The following DENND4A variants were observed in gnomAD, a reference collection of about 807,000 sequenced individuals.
DENND4A encodes the protein C-myc promoter-binding protein.
A neutral mutation model predicts 199.3 loss-of-function variants in DENND4A; 70 were observed. That is an observed-to-expected ratio of 0.35 (90% CI 0.29 to 0.43). DENND4A has a LOEUF of 0.43. Among genes scored for constraint, DENND4A ranks in the 20% least tolerant of loss-of-function variants. The pLI, the probability that DENND4A is intolerant of heterozygous loss-of-function variation, is 1.00. For missense variants in DENND4A, 1,723 were observed against 2,255.8 expected, an observed-to-expected ratio of 0.76 and a Z score of 4.78; for synonymous variants, 686 against 766.9, an observed-to-expected ratio of 0.89 and a Z score of 1.74.
intron 22 of DENND4A, among the ~76,000 whole-genome samples, chr15:65,694,469 G>A (rs1479481703): frequency 3.3e-5 from 5 of 150,736 alleles, no homozygotes; most frequent in South Asian, 2.1e-4. Flanking sequence ...AAAAATTCAA[G>A]ATAGGGTGAT....
chr15:65,750,771 A>G (rs1371046054), intron 4 of DENND4A, among the ~76,000 whole-genome samples: 1 of 152,050 alleles, frequency 6.6e-6, no homozygotes, highest in Non-Finnish European at 1.5e-5. Context: ...GAACAAAGAC[A>G]AGACAGTTAA....
In DENND4A at chr15:65,661,289, G is replaced by A. The variant is rs947437147; in HGVS notation, c.*562C>T. ...GATATACACAGAGAGATCTGCAGCT[G>A]TACTAATTACTTCAAATAGCAGCAG... On this transcript the variant is annotated 3_prime_UTR_variant, in exon 33 of 33. Coordinates refer to ENST00000443035, the MANE Select transcript of DENND4A (RefSeq NM_001320835.1). The A allele has an allele frequency of 4.6e-5, 7 of 152,098 alleles. No homozygotes were observed. The highest frequency in any genetic ancestry group is 1.7e-4 in the African/African-American group (7 of 41,376). The allele number at this position is 152,098 out of a possible 1,614,324, so 9.4% of individuals were successfully genotyped here. A position where few individuals can be genotyped will look rare whatever the true frequency, so the allele number is the denominator to read the frequency against.
intron 10 of DENND4A, 128 bp from the exon 11 acceptor site, chr15:65,729,375 A>G: frequency 7.3e-7 from 1 of 1,370,662 alleles, no homozygotes; most frequent in Non-Finnish European, 1.0e-6. Flanking sequence ...TGAAATAATT[A>G]TAACTAGAGT....
At chr15:65,693,627 T>C (rs916018406) in intron 22 of DENND4A, among the ~76,000 whole-genome samples, 5 of 151,636 alleles carry the variant, frequency 3.3e-5, no homozygotes, top group Admixed American at 2.6e-4. Context: ...TCCTCCTTTC[T>C]GACTCCTACC....
intron 14 of DENND4A, among the ~76,000 whole-genome samples, chr15:65,711,314 C>T (rs2075241832): frequency 6.6e-6 from 1 of 152,030 alleles, no homozygotes; most frequent in South Asian, 2.1e-4. Flanking sequence ...CCAACCTGGG[C>T]AACACAAGGA....
intron 1 of DENND4A, among the ~76,000 whole-genome samples, chr15:65,778,480 A>G (rs1030358501): frequency 3.3e-5 from 5 of 150,234 alleles, no homozygotes; most frequent in Non-Finnish European, 5.9e-5. Flanking sequence ...AGCGTTCCCC[A>G]GTACCACAGT....
chr15:65,667,119 C>A (rs1566982467), intron 29 of DENND4A, among the ~76,000 whole-genome samples: 1 of 152,126 alleles, frequency 6.6e-6, no homozygotes, highest in Admixed American at 6.5e-5. Flanking sequence ...ATCATAAGGT[C>A]AAGAAATCAA....
At chr15:65,763,132 T>A (rs2076895150) in intron 1 of DENND4A, among the ~76,000 whole-genome samples, 1 of 151,978 alleles carries the variant, frequency 6.6e-6, no homozygotes, top group South Asian at 2.1e-4. Context: ...GCACTATAGG[T>A]TAGCTTTAAC....
Position 65,747,657 on chromosome 15 carries a change from A to G in DENND4A, c.561+4722T>C, listed in dbSNP as rs7180236. Reference sequence around the variant, plus strand: ...CAAAATTTGTACTGTATCCAGCCACATATCAATACACCCCAGTTTTTCGTC... The same window carrying G: ...CAAAATTTGTACTGTATCCAGCCACGTATCAATACACCCCAGTTTTTCGTC... On this transcript the variant is annotated intron_variant, in intron 4 of 32. Coordinates refer to ENST00000443035, the MANE Select transcript of DENND4A (RefSeq NM_001320835.1). Among the ~76,000 whole-genome samples, 1,453 of 152,308 alleles carry G rather than the reference A, an allele frequency of 9.5e-3. 22 individuals are homozygous for G. The highest frequency in any genetic ancestry group is 0.034 in the African/African-American group (1,402 of 41,582).
At chr15:65,666,778 C>CAAAAAAA (rs36113125) in intron 29 of DENND4A, among the ~76,000 whole-genome samples, 1 of 91,724 alleles carries the variant, frequency 1.1e-5, no homozygotes, top group Admixed American at 1.2e-4. Context: ...GACCTTGTGT[C>CAAAAAAA]AAAAAAAAAA....
chr15:65,788,128 G>A (rs1041158718), intron 1 of DENND4A, among the ~76,000 whole-genome samples: 2 of 151,658 alleles, frequency 1.3e-5, no homozygotes, highest in African/African-American at 4.8e-5. Context: ...CCAGGCTGGG[G>A]TGCAGTGGCG....
chr15:65,788,219 G>A (rs1226687840), intron 1 of DENND4A, among the ~76,000 whole-genome samples: 1 of 152,054 alleles, frequency 6.6e-6, no homozygotes, highest in African/African-American at 2.4e-5. Flanking sequence ...TGGGACTACA[G>A]GCGCCTGCCA....
Position 65,756,429 on chromosome 15 carries a change from G to A in DENND4A, c.22C>T (p.Arg8Cys), listed in dbSNP as rs773874586. ...GCTACAACAAAGTAGTCAGCAACAC[G>A]AGGCCCCTTGTCTTCAATCATCTTC... MIEDKGP[R>C]VADYFVVAGL... The change falls in exon 3 of 33, where the codon CGT (arginine) becomes TGT (cysteine). Residue 8 changes from arginine to cysteine, a missense_variant. Coordinates refer to ENST00000443035, the MANE Select transcript of DENND4A (RefSeq NM_001320835.1). 28 of 1,609,482 alleles carry A rather than the reference G, an allele frequency of 1.7e-5. 1 individual carries two copies. In the South Asian group the frequency reaches 1.9e-4, roughly 11 times the overall value.
intron 24 of DENND4A, among the ~76,000 whole-genome samples, chr15:65,673,176 T>C (rs1253081177): frequency 6.7e-6 from 1 of 150,358 alleles, no homozygotes; most frequent in East Asian, 2.0e-4. Flanking sequence ...CTGGTATTTT[T>C]ATAAAGATAA....
At chr15:65,770,985 A>G (rs1016599156) in intron 1 of DENND4A, among the ~76,000 whole-genome samples, 1 of 152,232 alleles carries the variant, frequency 6.6e-6, no homozygotes, top group African/African-American at 2.4e-5. Flanking sequence ...TAACTAAAAT[A>G]TTCCATTTTA....
At chr15:65,666,732 C>T (rs909832975) in intron 29 of DENND4A, among the ~76,000 whole-genome samples, 1 of 148,990 alleles carries the variant, frequency 6.7e-6, no homozygotes, top group Non-Finnish European at 1.5e-5. Flanking sequence ...TGAGCCATGA[C>T]CACACCACTG....
chr15:65,663,099 G>A (rs2075906824), intron 32 of DENND4A, among the ~76,000 whole-genome samples: 1 of 151,000 alleles, frequency 6.6e-6, no homozygotes, highest in Admixed American at 6.6e-5. Flanking sequence ...TTCTCAAGTG[G>A]CTAGAATGAC....
chr15:65,772,106 G>A (rs755948527), intron 1 of DENND4A: 16 of 912,670 alleles, frequency 1.8e-5, no homozygotes, highest in Non-Finnish European at 2.9e-5. Context: ...GGACGATGTC[G>A]ACACATTTCT....
At chr15:65,770,000 T>C (rs1049163625) in intron 1 of DENND4A, among the ~76,000 whole-genome samples, 1 of 152,138 alleles carries the variant, frequency 6.6e-6, no homozygotes, top group Non-Finnish European at 1.5e-5. Flanking sequence ...CTTATTCCTA[T>C]AGGATTAATT....
Sources: allele counts gnomAD v4.1 joint callset (sites outside exome capture counted in the v4.1 genomes callset), GRCh38; gene constraint gnomAD v4.1.1; transcripts MANE v1.5; gene names NCBI Gene and HGNC (gene_info 2026-07-23, HGNC 2026-07-21).